Variants in KCNIP4 observed in about 807,000 individuals in gnomAD.
KCNIP4 encodes Kv channel-interacting protein 4.
In KCNIP4, 12 loss-of-function variants were observed where a neutral mutation model predicts 34.0. The ratio of observed to expected loss-of-function variants is 0.35; its 90% CI spans 0.23 to 0.57. The LOEUF is 0.57. Ranked by LOEUF, KCNIP4 falls within the 20% of genes least tolerant of loss-of-function variation. The probability of loss-of-function intolerance (pLI) is 0.83; values close to 1 mark genes in which losing one functional copy is unlikely to be tolerated. For synonymous variants in KCNIP4, 124 were observed against 102.2 expected (o/e 1.21, Z -1.29); for missense variants, 238 against 311.7 (o/e 0.76, Z 1.78).
At chr4:21,520,012 T>G (rs781080529) in intron 1 of KCNIP4, among the ~76,000 whole-genome samples, 16 of 151,434 alleles carry the variant, frequency 1.1e-4, no homozygotes, top group Non-Finnish European at 1.6e-4. Context: ...GAACTTGGAG[T>G]GCGATGTTTG....
chr4:20,760,970 T>G (rs979147081), intron 3 of KCNIP4, among the ~76,000 whole-genome samples: 9 of 152,228 alleles, frequency 5.9e-5, no homozygotes, highest in Non-Finnish European at 8.8e-5. Context: ...TTGAGATTTA[T>G]TACATTGATG....
At chr4:21,524,961 C>T (rs1465831023) in intron 1 of KCNIP4, among the ~76,000 whole-genome samples, 1 of 152,122 alleles carries the variant, frequency 6.6e-6, no homozygotes, top group African/African-American at 2.4e-5. Context: ...TTATGTGCTC[C>T]TGCCCTCTGG....
intron 1 of KCNIP4, among the ~76,000 whole-genome samples, chr4:21,078,871 T>A (rs1437653573): frequency 6.6e-6 from 1 of 152,092 alleles, no homozygotes; most frequent in Non-Finnish European, 1.5e-5. Flanking sequence ...ATTATTTATT[T>A]GGTTGTTCAA....
At chr4:21,874,437 G>T (rs2109371451) in intron 1 of KCNIP4, among the ~76,000 whole-genome samples, 1 of 152,272 alleles carries the variant, frequency 6.6e-6, no homozygotes, top group Non-Finnish European at 1.5e-5. Context: ...CTGGTTTGGG[G>T]GTTGATGGAG....
chr4:21,159,224 A>G (rs1753393281), intron 1 of KCNIP4, among the ~76,000 whole-genome samples: 1 of 152,210 alleles, frequency 6.6e-6, no homozygotes, highest in African/African-American at 2.4e-5. Flanking sequence ...TTATAAAGCT[A>G]CAATTATTAA....
At chr4:20,791,597 T>A (rs1022566460) in intron 3 of KCNIP4, among the ~76,000 whole-genome samples, 1 of 152,144 alleles carries the variant, frequency 6.6e-6, no homozygotes, top group Non-Finnish European at 1.5e-5. Flanking sequence ...AATGACAGAC[T>A]GTGAAAAGTT....
intron 1 of KCNIP4, among the ~76,000 whole-genome samples, chr4:21,609,668 G>A (rs1314579078): frequency 6.6e-6 from 1 of 152,150 alleles, no homozygotes; most frequent in Non-Finnish European, 1.5e-5. Context: ...ATAGAGAAAA[G>A]AGAAGAAGAT....
At chr4:21,197,858 A>G (rs1238018053) in intron 1 of KCNIP4, among the ~76,000 whole-genome samples, 1 of 152,172 alleles carries the variant, frequency 6.6e-6, no homozygotes, top group Non-Finnish European at 1.5e-5. Context: ...CTTTGGACTC[A>G]GTTAGAACTA....
chr4:21,025,551 T>TA (rs1560656424), intron 1 of KCNIP4, among the ~76,000 whole-genome samples: 1 of 65,452 alleles, frequency 1.5e-5, no homozygotes. Flanking sequence ...CTGTTTTTTT[T>TA]TTTTTTTTTT....
intron 1 of KCNIP4, among the ~76,000 whole-genome samples, chr4:21,124,702 C>T (rs561675486): frequency 1.3e-5 from 2 of 152,216 alleles, no homozygotes; most frequent in African/African-American, 2.4e-5. Flanking sequence ...GTACAGACTC[C>T]TAGCAAAAAA....
At chr4:20,787,968 C>A (rs2149400743) in intron 3 of KCNIP4, among the ~76,000 whole-genome samples, 1 of 152,068 alleles carries the variant, frequency 6.6e-6, no homozygotes, top group African/African-American at 2.4e-5. Flanking sequence ...AGTAATAGTT[C>A]TTTTTCTCCC....
At chr4:21,740,968 G>A (rs1314623160) in intron 1 of KCNIP4, among the ~76,000 whole-genome samples, 1 of 151,980 alleles carries the variant, frequency 6.6e-6, no homozygotes, top group African/African-American at 2.4e-5. Flanking sequence ...AAATATGTTG[G>A]TGTTACCAAA....
chr4:21,310,092 C>T (rs183986063), intron 1 of KCNIP4, among the ~76,000 whole-genome samples: 2 of 152,198 alleles, frequency 1.3e-5, no homozygotes, highest in Non-Finnish European at 2.9e-5. Flanking sequence ...TGCAGTGGCC[C>T]GATCTCAGCT....
At chr4:21,238,672 G>T (rs1294812427) in intron 1 of KCNIP4, among the ~76,000 whole-genome samples, 1 of 152,036 alleles carries the variant, frequency 6.6e-6, no homozygotes, top group African/African-American at 2.4e-5. Flanking sequence ...AACTTACAAG[G>T]GATGTGAAGA....
intron 1 of KCNIP4, among the ~76,000 whole-genome samples, chr4:21,603,342 C>A (rs1456826557): frequency 6.6e-6 from 1 of 150,934 alleles, no homozygotes; most frequent in Non-Finnish European, 1.5e-5. Context: ...TGAGTATTTG[C>A]AAGATTGTGT....
At chr4:21,237,973 A>C (rs577770094) in intron 1 of KCNIP4, among the ~76,000 whole-genome samples, 1 of 152,190 alleles carries the variant, frequency 6.6e-6, no homozygotes, top group African/African-American at 2.4e-5. Context: ...TGATGCAAAA[A>C]TCCTCAATAA....
intron 1 of KCNIP4, among the ~76,000 whole-genome samples, chr4:21,262,159 GA>G (rs1393314867): frequency 1.3e-5 from 2 of 151,328 alleles, no homozygotes; most frequent in Non-Finnish European, 2.9e-5. Flanking sequence ...TATTTTTTTT[GA>G]AAACCTTTTT....
intron 3 of KCNIP4, among the ~76,000 whole-genome samples, chr4:20,818,935 T>TC (rs1716760630): frequency 6.8e-6 from 1 of 146,232 alleles, no homozygotes; most frequent in Non-Finnish European, 1.5e-5. Flanking sequence ...TTTTTTTTTT[T>TC]TTTTTTTGAG....
intron 2 of KCNIP4, among the ~76,000 whole-genome samples, chr4:20,875,435 C>T (rs1723915119): frequency 6.6e-6 from 1 of 152,096 alleles, no homozygotes; most frequent in African/African-American, 2.4e-5. Flanking sequence ...ATGAGTTATA[C>T]TGTGCAAGCC....
Sources: gnomAD v4.1 joint callset for allele counts (sites outside exome capture counted in the v4.1 genomes callset) on GRCh38, gnomAD v4.1.1 for gene constraint, MANE v1.5 for transcripts, NCBI Gene and HGNC (gene_info 2026-07-23, HGNC 2026-07-21) for gene names.